CTBP2: variants seen among roughly 807,000 people sequenced by gnomAD.
The protein encoded by CTBP2 is C-terminal binding protein 2.
In CTBP2, 30 loss-of-function variants were observed where a neutral mutation model predicts 80.3. The ratio of observed to expected loss-of-function variants is 0.37; its 90% confidence interval spans 0.28 to 0.51. CTBP2 has a LOEUF of 0.51. Among genes scored for constraint, CTBP2 ranks in the 20% least tolerant of loss-of-function variants. The pLI is 0.93. For missense variants in CTBP2, 1,212 were observed against 1,375.3 expected (o/e 0.88, Z 1.88); for synonymous variants, 594 against 587.4 (o/e 1.01, Z -0.16).
chr10:125,053,801 G>A (rs1011968867), intron 2 of CTBP2, among the ~76,000 whole-genome samples: 1 of 152,140 alleles, frequency 6.6e-6, no homozygotes, highest in East Asian at 1.9e-4. Context: ...TGGAAAAGGA[G>A]AGATGCCACA....
chr10:125,082,612 C>G (rs1590638674), intron 2 of CTBP2, among the ~76,000 whole-genome samples: 1 of 126,260 alleles, frequency 7.9e-6, no homozygotes, highest in Non-Finnish European at 1.6e-5. Context: ...TTTTTTGAAA[C>G]AGTCTTGCTC....
intron 2 of CTBP2, among the ~76,000 whole-genome samples, chr10:125,083,054 G>A (rs1847417371): frequency 6.6e-6 from 1 of 152,130 alleles, no homozygotes; most frequent in South Asian, 2.1e-4. Flanking sequence ...CCATCTCTCT[G>A]GGGGGTTGGT....
intron 2 of CTBP2, among the ~76,000 whole-genome samples, chr10:125,073,838 G>A (rs1353494563): frequency 6.6e-6 from 1 of 152,202 alleles, no homozygotes; most frequent in African/African-American, 2.4e-5. Context: ...ACATATGAGA[G>A]GGAAAACTCC....
At chr10:125,157,986 C>G (rs917748851) in intron 1 of CTBP2, among the ~76,000 whole-genome samples, 3 of 152,130 alleles carry the variant, frequency 2.0e-5, no homozygotes, top group African/African-American at 7.2e-5. Context: ...GATACAGTCT[C>G]TGCTAAAGAA....
chr10:125,162,169 T>A (rs1231855801), upstream of CTBP2, among the ~76,000 whole-genome samples: 1 of 152,136 alleles, frequency 6.6e-6, no homozygotes, highest in African/African-American at 2.4e-5. Context: ...TATTGAGATA[T>A]TAGGAGCTGG....
rs755416442 is a variant in CTBP2 at position 124,997,984 on chromosome 10, G to A, written c.2165C>T (p.Thr722Met). The change falls in exon 4 of 9, where the codon ACG (threonine) becomes ATG (methionine). Residue 722 changes from threonine to methionine, a missense_variant. By Grantham distance (81) the Thr-to-Met change is moderately conservative. Coordinates refer to ENST00000309035, the MANE Select transcript of CTBP2 (RefSeq NM_022802.3). ...CGTACCAAAGCCAATGAGGCCCAGC[G>A]TCTCCCCACGGATGCGGGCCGCTCC... 1.1e-5 allele frequency: 18 copies of A among 1,612,516 alleles called. No homozygotes were observed. The highest frequency in any genetic ancestry group is 2.2e-5 in the East Asian group (1 of 44,876).
intron 1 of CTBP2, among the ~76,000 whole-genome samples, chr10:125,128,542 C>T (rs891957637): frequency 5.9e-5 from 9 of 152,210 alleles, no homozygotes; most frequent in Admixed American, 1.3e-4. Flanking sequence ...CCACAGCCCA[C>T]GCCCAGCAGA....
chr10:125,070,964 AG>A (rs1200214135), intron 2 of CTBP2, among the ~76,000 whole-genome samples: 10 of 152,262 alleles, frequency 6.6e-5, no homozygotes, highest in Non-Finnish European at 1.5e-4. Context: ...TTTTAACCAA[AG>A]AAAAAAAGAA....
intron 1 of CTBP2, among the ~76,000 whole-genome samples, chr10:125,139,202 T>C (rs780786914): frequency 2.0e-5 from 3 of 151,868 alleles, no homozygotes; most frequent in Non-Finnish European, 4.4e-5. Context: ...TGAAGCCCTG[T>C]CTCTACTAAA....
chr10:124,992,778 G>A lies in CTBP2; in HGVS notation c.2694C>T (p.Asn898=). 1.2e-6 allele frequency: 2 copies of A among 1,611,254 alleles called. No individual in the cohort carries two copies. Among genetic ancestry groups the A allele is most frequent in the South Asian group, 1.1e-5 (1 of 90,504 alleles). ...GCGCTGATGTGACAAAGAATTCCTT[G>A]TTCACACAATTTCTTAAGCTTTCTG... Residue 898 remains asparagine, a synonymous_variant, in exon 8 of 9, where the codon AAC becomes AAT. Coordinates refer to ENST00000309035, the MANE Select transcript of CTBP2 (RefSeq NM_022802.3).
At chr10:125,049,046 GACACAC>G (rs1178000125) in intron 2 of CTBP2, among the ~76,000 whole-genome samples, 1,489 of 89,704 alleles carry the variant, frequency 0.017, 21 homozygotes, top group Middle Eastern at 0.058. Flanking sequence ...CCTGACCACA[GACACAC>G]ACACACACAC....
chr10:125,153,364 A>G (rs1860344959), intron 1 of CTBP2, among the ~76,000 whole-genome samples: 1 of 152,138 alleles, frequency 6.6e-6, no homozygotes. Flanking sequence ...CACTGCCCCC[A>G]CCCGTTCCCT....
chr10:125,129,608 A>C (rs892297995), intron 1 of CTBP2, among the ~76,000 whole-genome samples: 3 of 152,140 alleles, frequency 2.0e-5, no homozygotes, highest in African/African-American at 7.2e-5. Flanking sequence ...ATTGTAGATG[A>C]TCAGACCCAC....
chr10:125,083,792 G>T (rs1445129770), intron 2 of CTBP2, among the ~76,000 whole-genome samples: 1 of 151,932 alleles, frequency 6.6e-6, no homozygotes, highest in Non-Finnish European at 1.5e-5. Flanking sequence ...TTTTTGTTTT[G>T]TTTTTTTGAG....
At chr10:125,097,554 T>C (rs1377574251) in intron 2 of CTBP2, among the ~76,000 whole-genome samples, 2 of 152,126 alleles carry the variant, frequency 1.3e-5, no homozygotes, top group African/African-American at 4.8e-5. Context: ...AGGAAGCCTG[T>C]TCTCTGTCCC....
chr10:125,046,353 A>G (rs1961229011), intron 2 of CTBP2, among the ~76,000 whole-genome samples: 1 of 152,198 alleles, frequency 6.6e-6, no homozygotes, highest in East Asian at 1.9e-4. Flanking sequence ...CCTGGCCAAC[A>G]TGGTGAAACC....
chr10:125,098,204 C>T (rs117249442), intron 2 of CTBP2, among the ~76,000 whole-genome samples: 10,085 of 152,192 alleles, frequency 0.066, 506 homozygotes, highest in Non-Finnish European at 0.09. Flanking sequence ...TGCCTGCTAT[C>T]CCCGTTTTCT....
At chr10:125,135,820 C>T (rs1856890887) in intron 1 of CTBP2, among the ~76,000 whole-genome samples, 1 of 152,240 alleles carries the variant, frequency 6.6e-6, no homozygotes, top group South Asian at 2.1e-4. Flanking sequence ...CCTGGCCCCA[C>T]AGCAGGAGCG....
chr10:125,039,328 C>T (rs183764936), intron 2 of CTBP2, among the ~76,000 whole-genome samples, 173 bp from the exon 3 acceptor site: 3 of 152,248 alleles, frequency 2.0e-5, no homozygotes, highest in Non-Finnish European at 4.4e-5. Context: ...GCATCTCAGC[C>T]GCCTCCTGCT....
Sources: allele counts gnomAD v4.1 joint callset (sites outside exome capture counted in the v4.1 genomes callset), GRCh38; gene constraint gnomAD v4.1.1; transcripts MANE v1.5; gene names NCBI Gene and HGNC (gene_info 2026-07-23, HGNC 2026-07-21).